Variants in PLPPR1 observed in about 807,000 individuals in gnomAD.
PLPPR1 encodes the protein phospholipid phosphatase related 1.
A neutral mutation model predicts 33.1 loss-of-function variants in PLPPR1; 10 were observed. The observed-to-expected ratio is 0.30, with a 90% confidence interval of 0.19 to 0.51. PLPPR1 has a LOEUF of 0.51. Ranked by LOEUF, PLPPR1 falls within the 20% of genes least tolerant of loss-of-function variation. The pLI is 0.97. For missense variants in PLPPR1, 304 were observed against 408.1 expected (o/e 0.74, Z 2.20); for synonymous variants, 151 against 151.0 (o/e 1.00, Z 0.00).
intron 4 of PLPPR1, among the ~76,000 whole-genome samples, chr9:101,305,074 G>A (rs1365502405): frequency 6.6e-6 from 1 of 152,138 alleles, no homozygotes; most frequent in African/African-American, 2.4e-5. Context: ...TTTCTGGGGA[G>A]TCTAAATCCT....
chr9:101,287,228 T>C (rs1002730141), intron 4 of PLPPR1, among the ~76,000 whole-genome samples: 4 of 152,222 alleles, frequency 2.6e-5, no homozygotes, highest in Non-Finnish European at 5.9e-5. Flanking sequence ...AGGCATTTGA[T>C]GTTATTTGCA....
In PLPPR1 at chr9:101,053,605, A is replaced by G. The variant is rs192140324; in HGVS notation, c.-46+24503A>G. 1.6e-3 allele frequency among the ~76,000 whole-genome samples: 249 copies of G among 152,286 alleles called. 1 individual carries two copies. Among genetic ancestry groups the G allele is most frequent in the African/African-American group, 5.7e-3 (236 of 41,540 alleles). ...GGGAGGAATGATAATTCCTCGGCCT[A>G]CCTTACAAGATTGTTTGGAAAAACA... On this transcript the variant is annotated intron_variant, in intron 1 of 7. Transcript: ENST00000374874.
chr9:101,036,608 T>G (rs1830013295), intron 1 of PLPPR1, among the ~76,000 whole-genome samples: 1 of 151,348 alleles, frequency 6.6e-6, no homozygotes, highest in Admixed American at 6.6e-5. Context: ...TGGTCTTGGC[T>G]TATGGCACTG....
intron 2 of PLPPR1, among the ~76,000 whole-genome samples, chr9:101,250,057 A>G (rs1827689534): frequency 6.6e-6 from 1 of 152,094 alleles, no homozygotes; most frequent in African/African-American, 2.4e-5. Flanking sequence ...ACTTTACATG[A>G]TAAAAATGTT....
intron 1 of PLPPR1, among the ~76,000 whole-genome samples, chr9:101,148,455 G>A (rs1414608184): frequency 6.6e-6 from 1 of 152,110 alleles, no homozygotes; most frequent in Non-Finnish European, 1.5e-5. Flanking sequence ...TCAGCCATTT[G>A]TTGGAACTGT....
At chr9:101,233,396 C>A (rs1827229912) in intron 2 of PLPPR1, among the ~76,000 whole-genome samples, 1 of 151,952 alleles carries the variant, frequency 6.6e-6, no homozygotes, top group Non-Finnish European at 1.5e-5. Flanking sequence ...GTGAGCTCAT[C>A]AGAAGGGTTG....
chr9:101,095,923 C>A (rs1830811513), intron 1 of PLPPR1, among the ~76,000 whole-genome samples: 1 of 152,158 alleles, frequency 6.6e-6, no homozygotes, highest in African/African-American at 2.4e-5. Flanking sequence ...ATTGTAACAT[C>A]ATGAAGTAGA....
intron 1 of PLPPR1, among the ~76,000 whole-genome samples, chr9:101,030,173 C>T (rs1829927089): frequency 6.6e-6 from 1 of 151,820 alleles, no homozygotes; most frequent in Non-Finnish European, 1.5e-5. Flanking sequence ...ACCCGCTGCA[C>T]CCGGGAAAAG....
intron 1 of PLPPR1, among the ~76,000 whole-genome samples, chr9:101,126,298 C>A (rs1427001891): frequency 1.3e-5 from 2 of 152,150 alleles, no homozygotes; most frequent in Non-Finnish European, 2.9e-5. Flanking sequence ...TAATCAGAAC[C>A]AATCATTCCT....
At chr9:101,075,543 C>T (rs1315563756) in intron 1 of PLPPR1, among the ~76,000 whole-genome samples, 2 of 152,188 alleles carry the variant, frequency 1.3e-5, no homozygotes, top group Non-Finnish European at 2.9e-5. Flanking sequence ...AGAGACCAAT[C>T]AAGGTAGAGT....
At chr9:101,206,118 A>T (rs529550815) in intron 2 of PLPPR1, among the ~76,000 whole-genome samples, 2 of 152,330 alleles carry the variant, frequency 1.3e-5, no homozygotes, top group African/African-American at 4.8e-5. Flanking sequence ...TAGGGGAACT[A>T]GCTCATTTCT....
At chr9:101,317,286 A>T in intron 6 of PLPPR1, 79 bp from the exon 7 acceptor site, 1 of 1,468,174 alleles carries the variant, frequency 6.8e-7, no homozygotes, top group Non-Finnish European at 9.3e-7. Context: ...ATTCAAGGGG[A>T]AAGGCCTGCC....
intron 1 of PLPPR1, among the ~76,000 whole-genome samples, chr9:101,032,742 T>C (rs2118398191): frequency 6.6e-6 from 1 of 152,290 alleles, no homozygotes; most frequent in Admixed American, 6.5e-5. Flanking sequence ...TGGAGGTCAG[T>C]GTTAAAATGT....
intron 2 of PLPPR1, among the ~76,000 whole-genome samples, chr9:101,256,397 T>C (rs991607849): frequency 1.3e-5 from 2 of 152,102 alleles, no homozygotes; most frequent in Admixed American, 1.3e-4. Flanking sequence ...TAGATGGTGA[T>C]AGTGATGCTG....
intron 1 of PLPPR1, among the ~76,000 whole-genome samples, chr9:101,159,172 G>C (rs1490237683): frequency 6.6e-6 from 1 of 152,070 alleles, no homozygotes; most frequent in African/African-American, 2.4e-5. Context: ...AATTAATCTA[G>C]GTATTTAGAA....
chr9:101,261,262 A>G (rs550075550), intron 2 of PLPPR1, among the ~76,000 whole-genome samples: 1 of 152,208 alleles, frequency 6.6e-6, no homozygotes, highest in East Asian at 1.9e-4. Flanking sequence ...ATTTCTTTGG[A>G]CTTACTTTTA....
At chr9:101,259,062 A>C (rs1827851143) in intron 2 of PLPPR1, among the ~76,000 whole-genome samples, 1 of 152,176 alleles carries the variant, frequency 6.6e-6, no homozygotes, top group African/African-American at 2.4e-5. Flanking sequence ...TCCTTGATGT[A>C]GTTGTAAATC....
At chr9:101,205,324 G>A (rs1826568362) in intron 2 of PLPPR1, among the ~76,000 whole-genome samples, 1 of 152,176 alleles carries the variant, frequency 6.6e-6, no homozygotes, top group Non-Finnish European at 1.5e-5. Flanking sequence ...GCTAAATGCT[G>A]TTGGCAGGTG....
At chr9:101,153,451 G>T (rs10819905) in intron 1 of PLPPR1, among the ~76,000 whole-genome samples, 22,084 of 152,126 alleles carry the variant, frequency 0.15, 1,761 homozygotes, top group East Asian at 0.3. Flanking sequence ...TGGTGAGAGA[G>T]GGCATCCCTG....
Sources: gnomAD v4.1 joint callset for allele counts (sites outside exome capture counted in the v4.1 genomes callset) on GRCh38, gnomAD v4.1.1 for gene constraint, MANE v1.5 for transcripts, NCBI Gene and HGNC (gene_info 2026-07-23, HGNC 2026-07-21) for gene names.